Variants in BAZ1B observed in about 807,000 individuals in gnomAD.
BAZ1B encodes tyrosine-protein kinase BAZ1B.
A neutral mutation model predicts 153.8 loss-of-function variants in BAZ1B; 22 were observed. The observed-to-expected ratio is 0.14, with a 90% CI of 0.10 to 0.20. BAZ1B has a LOEUF of 0.20. Ranked by LOEUF, BAZ1B falls within the 10% of genes least tolerant of loss-of-function variation. The pLI is 1.00. For synonymous variants in BAZ1B, 676 were observed against 633.4 expected (o/e 1.07, Z -1.01); for missense variants, 1,325 against 1,799.3 (o/e 0.74, Z 4.77).
Position 73,492,847 on chromosome 7 carries a change from T to C in BAZ1B, c.646A>G (p.Lys216Glu). 2.5e-6 allele frequency: 4 copies of C among 1,610,760 alleles called. No homozygotes were observed. The highest frequency in any genetic ancestry group is 3.4e-6 in the Non-Finnish European group (4 of 1,179,056). Reference sequence around the variant, plus strand: ...ACATCATATTTGTGAGGCAGAAATTTTGGAGGAGCCCATTTCCTTTCTCCT... The same window carrying C: ...ACATCATATTTGTGAGGCAGAAATTCTGGAGGAGCCCATTTCCTTTCTCCT... Reference protein sequence around the residue: ...KKGERKWAPPKFLPHKYDVKL... With the variant: ...KKGERKWAPPEFLPHKYDVKL... Residue 216 changes from lysine to glutamate, a missense_variant, in exon 5 of 20, where the codon AAA (lysine) becomes GAA (glutamate). This residue lies in a region of BAZ1B where 153 missense variants were observed against 204.8 expected (regional missense o/e 0.75). Coordinates refer to ENST00000339594, the MANE Select transcript of BAZ1B (RefSeq NM_032408.4).
chr7:73,494,118 G>A (rs1040377908), intron 4 of BAZ1B, among the ~76,000 whole-genome samples: 1 of 151,172 alleles, frequency 6.6e-6, no homozygotes, highest in Admixed American at 6.6e-5. Context: ...ACAGTGGCTC[G>A]TGCCTGTAAT....
chr7:73,450,476 G>A lies in BAZ1B; in HGVS notation c.3580+371C>T, dbSNP rs546574566. On this transcript the variant is annotated intron_variant, in intron 14 of 19. Coordinates refer to ENST00000339594, the MANE Select transcript of BAZ1B (RefSeq NM_032408.4). The surrounding 1 kb of genome is among the most constrained non-coding windows in gnomAD (Gnocchi z 4.1). The stretch of plus-strand genomic sequence containing the variant: ...AGACTGCATGCCACCCTCTGTACCC[G>A]GACTGCCTCCTGCTGAAAGCACATA... 1.2e-3 allele frequency among the ~76,000 whole-genome samples: 189 copies of A among 152,188 alleles called. No homozygotes were observed. Among genetic ancestry groups the A allele is most frequent in the Non-Finnish European group, 1.9e-3 (128 of 68,006 alleles).
chr7:73,506,649 C>G (rs1378921056), intron 3 of BAZ1B, among the ~76,000 whole-genome samples: 2 of 151,006 alleles, frequency 1.3e-5, no homozygotes, highest in African/African-American at 4.9e-5. Context: ...GTCGAGAGTT[C>G]AAGACCAGCC....
intron 4 of BAZ1B, among the ~76,000 whole-genome samples, chr7:73,497,074 A>AAAAAAAAAAAAAAAAAAAAAAAG (rs1789936101): frequency 6.6e-6 from 1 of 150,834 alleles, no homozygotes; most frequent in Non-Finnish European, 1.5e-5. Flanking sequence ...ACAAAAAAAA[A>AAAAAAAAAAAAAAAAAAAAAAAG]AAAAAAAAAC....
At chr7:73,508,293 T>C (rs1554578087) in intron 3 of BAZ1B, 34 bp downstream of exon 3, 2 of 1,604,060 alleles carry the variant, frequency 1.2e-6, no homozygotes, top group East Asian at 2.2e-5. Flanking sequence ...CTAATTCTGA[T>C]GGTAAGTCAA....
At position 73,459,523 on chromosome 7, in the gene BAZ1B, A is replaced by T; in HGVS notation, c.3432+13T>A. On this transcript the variant is annotated intron_variant, in intron 13 of 19. Transcript: ENST00000339594. Reference sequence around the variant, plus strand: ...TACGGAATCATAAACTACAACTTATAACAACAAAATACCTTTGCTTCCTCT... The same window carrying T: ...TACGGAATCATAAACTACAACTTATTACAACAAAATACCTTTGCTTCCTCT... 1 of 1,608,994 alleles carries T rather than the reference A, an allele frequency of 6.2e-7. No homozygotes were observed. The highest frequency in any genetic ancestry group is 1.3e-5 in the African/African-American group (1 of 74,530).
intron 7 of BAZ1B, among the ~76,000 whole-genome samples, chr7:73,472,880 C>G (rs1314338399): frequency 6.6e-6 from 1 of 151,876 alleles, no homozygotes; most frequent in Non-Finnish European, 1.5e-5. Flanking sequence ...TCTCAGCTTC[C>G]CGAGTAGCTG....
At chr7:73,515,530 CCTTT>C (rs1342617871) in intron 1 of BAZ1B, among the ~76,000 whole-genome samples, 62 of 139,420 alleles carry the variant, frequency 4.4e-4, no homozygotes, top group East Asian at 1.7e-3. Context: ...CAGCCTTGTT[CCTTT>C]TTTTTTTTTT....
At chr7:73,449,376 T>C (rs1208259103) in intron 15 of BAZ1B, among the ~76,000 whole-genome samples, 166 bp downstream of exon 15, 1 of 152,198 alleles carries the variant, frequency 6.6e-6, no homozygotes, top group Non-Finnish European at 1.5e-5. Context: ...TAAAATTAGC[T>C]CAGAGTCCTT....
At chr7:73,481,852 A>C (rs1789214055) in intron 6 of BAZ1B, among the ~76,000 whole-genome samples, 1 of 152,112 alleles carries the variant, frequency 6.6e-6, no homozygotes, top group South Asian at 2.1e-4. Flanking sequence ...CCTGGCTAAC[A>C]CAGTGAAACA....
chr7:73,519,271 A>G (rs1790934630), intron 1 of BAZ1B, among the ~76,000 whole-genome samples: 1 of 152,256 alleles, frequency 6.6e-6, no homozygotes, highest in African/African-American at 2.4e-5. Context: ...AAGTCCCATT[A>G]AAAACATAAT....
At chr7:73,492,668 C>T in intron 5 of BAZ1B, 132 bp downstream of exon 5, 1 of 888,132 alleles carries the variant, frequency 1.1e-6, no homozygotes. Flanking sequence ...ATTACTGTAA[C>T]TACAAAACCA....
chr7:73,515,111 C>T (rs983932552), intron 1 of BAZ1B, among the ~76,000 whole-genome samples: 1 of 152,096 alleles, frequency 6.6e-6, no homozygotes, highest in African/African-American at 2.4e-5. Flanking sequence ...ACAATCACGA[C>T]GAACTCATCA....
At chr7:73,514,071 T>A (rs1233759067) in intron 1 of BAZ1B, among the ~76,000 whole-genome samples, 1 of 152,204 alleles carries the variant, frequency 6.6e-6, no homozygotes, top group Admixed American at 6.6e-5. Flanking sequence ...TAGTTCAGCA[T>A]CCCAAATCCA....
intron 11 of BAZ1B, chr7:73,464,332 G>C (rs1469254827): frequency 6.0e-6 from 1 of 166,478 alleles, no homozygotes; most frequent in Non-Finnish European, 1.2e-5. Flanking sequence ...TTTGTAGACA[G>C]AACAGGGTTT....
At chr7:73,476,116 A>G (rs1202891652) in intron 7 of BAZ1B, among the ~76,000 whole-genome samples, 1 of 152,114 alleles carries the variant, frequency 6.6e-6, no homozygotes, top group Admixed American at 6.6e-5. Context: ...TAGCAAATCT[A>G]TAGAGACAAA....
chr7:73,494,898 A>AGT (rs782138083), intron 4 of BAZ1B, among the ~76,000 whole-genome samples: 17 of 152,372 alleles, frequency 1.1e-4, no homozygotes, highest in East Asian at 5.8e-4. Flanking sequence ...CGGTGAGCCA[A>AGT]GTAAAAGAAT....
Position 73,483,698 on chromosome 7 carries a change from G to GT in BAZ1B, c.892-5130dup, listed in dbSNP as rs1362931650. 2.6e-5 allele frequency among the ~76,000 whole-genome samples: 4 copies of GT among 152,112 alleles called. No homozygotes were observed. In the East Asian group the frequency reaches 7.7e-4, roughly 29 times the overall value. Reference sequence around the variant, plus strand: ...TGTCTGTCACACAGGCTGGAGTGCAGTGGCATGATCACAGCTCACTGCAAC... The same window carrying GT: ...TGTCTGTCACACAGGCTGGAGTGCAGTTGGCATGATCACAGCTCACTGCAAC... On this transcript the variant is annotated intron_variant, in intron 6 of 19. Coordinates refer to ENST00000339594, the MANE Select transcript of BAZ1B (RefSeq NM_032408.4).
At chr7:73,517,781 CTA>C (rs782493303) in intron 1 of BAZ1B, among the ~76,000 whole-genome samples, 1 of 152,212 alleles carries the variant, frequency 6.6e-6, no homozygotes, top group Non-Finnish European at 1.5e-5. Flanking sequence ...GAATCCTAGA[CTA>C]TCTCATTATG....
Sources: gnomAD v4.1 joint callset for allele counts (sites outside exome capture counted in the v4.1 genomes callset) on GRCh38, gnomAD v4.1.1 for gene constraint, gnomAD v4.1.1 regional missense constraint, Gnocchi (gnomAD v3.1) non-coding constraint, MANE v1.5 for transcripts, NCBI Gene and HGNC (gene_info 2026-07-23, HGNC 2026-07-21) for gene names.